FA2H: variants seen among roughly 807,000 people sequenced by gnomAD.
FA2H encodes the protein fatty acid alpha-hydroxylase.
A neutral mutation model predicts 44.9 loss-of-function variants in FA2H; 22 were observed. The observed-to-expected ratio is 0.49, with a 90% CI of 0.35 to 0.70. The LOEUF is 0.70. Among genes scored for constraint, FA2H ranks in the 30% least tolerant of loss-of-function variants. FA2H has a pLI of 0.01. For missense variants in FA2H, 501 were observed against 504.9 expected (o/e 0.99, Z 0.07); for synonymous variants, 243 against 213.2 (o/e 1.14, Z -1.22).
intron 2 of FA2H, among the ~76,000 whole-genome samples, chr16:74,731,322 T>C (rs553168051): frequency 9.9e-5 from 15 of 151,562 alleles, no homozygotes; most frequent in African/African-American, 3.2e-4. Flanking sequence ...TTTGTATTTT[T>C]AGTAGAGATG....
chr16:74,740,229 AG>A, intron 1 of FA2H, 114 bp from the exon 2 acceptor site: 1 of 800,796 alleles, frequency 1.2e-6, no homozygotes, highest in Non-Finnish European at 2.2e-6. Flanking sequence ...TGGGTGGGGC[AG>A]GGTGGTGGAG....
chr16:74,741,387 C>G (rs563925864), intron 1 of FA2H: 3 of 152,208 alleles, frequency 2.0e-5, no homozygotes, highest in Non-Finnish European at 4.4e-5. Flanking sequence ...CCACACGTAA[C>G]CCAAGTAAAA....
intron 5 of FA2H, 103 bp from the exon 6 acceptor site, chr16:74,716,702 C>A: frequency 1.5e-6 from 2 of 1,339,278 alleles, no homozygotes; most frequent in Non-Finnish European, 1.0e-6. Context: ...GCGGCCCAGA[C>A]ATTCCACTGC....
chr16:74,730,082 G>T (rs1208829876), intron 2 of FA2H, among the ~76,000 whole-genome samples: 1 of 152,152 alleles, frequency 6.6e-6, no homozygotes. Context: ...CAGCCACAGC[G>T]GGTCTTCCAG....
chr16:74,741,231 G>C (rs1962288601), intron 1 of FA2H: 1 of 152,246 alleles, frequency 6.6e-6, no homozygotes. Flanking sequence ...GGAAGCCATG[G>C]TGCTGGTGGC....
intron 1 of FA2H, among the ~76,000 whole-genome samples, chr16:74,753,511 T>C (rs1222915877): frequency 6.6e-6 from 1 of 152,116 alleles, no homozygotes; most frequent in Non-Finnish European, 1.5e-5. Flanking sequence ...GAACCCCGTC[T>C]CTACTAAAAA....
chr16:74,743,895 G>A (rs754063466), intron 1 of FA2H, among the ~76,000 whole-genome samples: 4 of 152,226 alleles, frequency 2.6e-5, no homozygotes, highest in South Asian at 2.1e-4. Flanking sequence ...AGCGTCACGC[G>A]GTGTCAGTAG....
chr16:74,731,390 C>T (rs746953673), intron 2 of FA2H, among the ~76,000 whole-genome samples: 1 of 151,858 alleles, frequency 6.6e-6, no homozygotes, highest in African/African-American at 2.4e-5. Context: ...TGATTCTACC[C>T]GCTTCCACCT....
chr16:74,766,372 G>T (rs1962808888), intron 1 of FA2H, among the ~76,000 whole-genome samples: 1 of 152,114 alleles, frequency 6.6e-6, no homozygotes. Context: ...GAGAGTCTGA[G>T]TGAAGGGGAA....
chr16:74,751,534 A>T (rs1962526097), intron 1 of FA2H, among the ~76,000 whole-genome samples: 1 of 152,010 alleles, frequency 6.6e-6, no homozygotes, highest in Admixed American at 6.6e-5. Context: ...CCAGGAAGTG[A>T]CTTCCTTAAA....
intron 2 of FA2H, among the ~76,000 whole-genome samples, chr16:74,739,415 A>G (rs1459755776): frequency 4.0e-5 from 6 of 150,434 alleles, no homozygotes; most frequent in Non-Finnish European, 5.9e-5. Flanking sequence ...CCGCTGAGTG[A>G]CTCCTTTTCC....
At chr16:74,728,377 G>A (rs1962000032) in intron 2 of FA2H, among the ~76,000 whole-genome samples, 1 of 152,214 alleles carries the variant, frequency 6.6e-6, no homozygotes, top group African/African-American at 2.4e-5. Flanking sequence ...AGAATGGCTG[G>A]TACAAATGCC....
chr16:74,740,444 C>T (rs1428953151), intron 1 of FA2H, among the ~76,000 whole-genome samples: 1 of 151,724 alleles, frequency 6.6e-6, no homozygotes, highest in South Asian at 2.1e-4. Context: ...TGGTGAAAAC[C>T]TGTCTCTACT....
intron 4 of FA2H, among the ~76,000 whole-genome samples, chr16:74,721,770 G>T (rs758418645): frequency 6.6e-6 from 1 of 152,120 alleles, no homozygotes; most frequent in African/African-American, 2.4e-5. Flanking sequence ...CCCTGGGGTT[G>T]GGGAGGAACT....
chr16:74,718,951 A>G, intron 5 of FA2H, 37 bp downstream of exon 5: 5 of 1,610,198 alleles, frequency 3.1e-6, no homozygotes, highest in Non-Finnish European at 4.2e-6. Context: ...CTCGGGCTGC[A>G]CATGCTAGGT....
At chr16:74,759,928 G>A (rs758997036) in intron 1 of FA2H, among the ~76,000 whole-genome samples, 1 of 152,140 alleles carries the variant, frequency 6.6e-6, no homozygotes, top group Non-Finnish European at 1.5e-5. Flanking sequence ...TTTTAGGAAG[G>A]AGGTGAGGAT....
chr16:74,768,011 T>C (rs914143130), intron 1 of FA2H, among the ~76,000 whole-genome samples: 1 of 152,042 alleles, frequency 6.6e-6, no homozygotes, highest in Non-Finnish European at 1.5e-5. Flanking sequence ...GCTGTTTCTG[T>C]GATGTGGTGG....
In FA2H at chr16:74,713,937, T is replaced by C. The variant is rs886052289; in HGVS notation, c.*253A>G. 2 of 533,892 alleles carry C rather than the reference T, an allele frequency of 3.7e-6. No individual in the cohort carries two copies. The highest frequency in any genetic ancestry group is 3.8e-5 in the African/African-American group (2 of 52,538). The allele number at this position is 533,892 out of a possible 1,614,324, so 33.1% of individuals were successfully genotyped here. A position where few individuals can be genotyped will look rare whatever the true frequency, so the allele number is the denominator to read the frequency against. Reference sequence around the variant, plus strand: ...TGAAGCAGTCCTGTGGGCTGAGCTCTAGGCAGGGACGCTCCAGGAAGAAGT... The same window carrying C: ...TGAAGCAGTCCTGTGGGCTGAGCTCCAGGCAGGGACGCTCCAGGAAGAAGT... On this transcript the variant is annotated 3_prime_UTR_variant, in exon 7 of 7. Transcript: ENST00000219368.
In FA2H at chr16:74,774,635, G is replaced by C. The variant is rs1435457299; in HGVS notation, c.121C>G (p.Arg41Gly). The change falls in exon 1 of 7, where the codon CGG becomes GGG. Residue 41 changes from arginine (R) to glycine (G), a missense_variant. Coordinates refer to ENST00000219368, the MANE Select transcript of FA2H (RefSeq NM_024306.5). ...AGCTGCTCGCCCCCCGGGTGGTGCC[G>C]CACGAAGCTGGAGAGGTCGTAGAGG... The part of the protein sequence containing the change: ...ARLYDLSSFV[R>G]HHPGGEQLLR... The C allele has an allele frequency of 1.3e-6, 2 of 1,512,592 alleles. No individual in the cohort carries two copies. The highest frequency in any genetic ancestry group is 1.4e-5 in the African/African-American group (1 of 70,242). The allele number at this position is 1,512,592 out of a possible 1,614,324, so 93.7% of individuals were successfully genotyped here. A position where few individuals can be genotyped will look rare whatever the true frequency, so the allele number is the denominator to read the frequency against.
Sources: gnomAD v4.1 joint callset for allele counts (sites outside exome capture counted in the v4.1 genomes callset) on GRCh38, gnomAD v4.1.1 for gene constraint, MANE v1.5 for transcripts, NCBI Gene and HGNC (gene_info 2026-07-23, HGNC 2026-07-21) for gene names.